RTL4: variants seen among roughly 807,000 people sequenced by gnomAD.
RTL4 encodes retrotransposon Gag-like protein 4.
Under a neutral mutation model 5.3 loss-of-function variants are expected in RTL4, and 4 were observed. The ratio of observed to expected loss-of-function variants is 0.75; its 90% CI spans 0.37 to 1.72. The LOEUF (loss-of-function observed/expected upper bound fraction) is 1.72, where lower values mean the gene tolerates loss of function less well. RTL4 is among the 40% of genes most tolerant of loss of function. RTL4 has a pLI of 0.04. For missense variants in RTL4, 260 were observed against 227.1 expected (o/e 1.14, Z -0.93); for synonymous variants, 98 against 87.3 (o/e 1.12, Z -0.68).
chrX:112,151,576 G>C, the RTL4 span, among the ~76,000 whole-genome samples: 1 of 112,039 alleles, frequency 8.9e-6, no homozygotes, highest in African/African-American at 3.2e-5. Context: ...GAAGTTTAAT[G>C]ATTTCATGTC....
the RTL4 span, among the ~76,000 whole-genome samples, chrX:112,310,384 A>ATATG: frequency 4.3e-5 from 1 of 23,105 alleles, no homozygotes; most frequent in African/African-American, 1.8e-4. Context: ...ATATATATAT[A>ATATG]TATATATATA....
chrX:112,390,155 A>G, the RTL4 span, among the ~76,000 whole-genome samples: 2 of 52,880 alleles, frequency 3.8e-5, no homozygotes, highest in South Asian at 2.1e-3. Context: ...ATATATATAT[A>G]TATATTTAGG....
the RTL4 span, among the ~76,000 whole-genome samples, chrX:112,308,319 A>G: frequency 9.0e-6 from 1 of 111,542 alleles, no homozygotes; most frequent in Non-Finnish European, 1.9e-5. Context: ...ACTTTAAAAA[A>G]TCATCCTTTC....
chrX:112,112,193 G>A, the RTL4 span, among the ~76,000 whole-genome samples: 1 of 112,141 alleles, frequency 8.9e-6, no homozygotes, highest in African/African-American at 3.2e-5. Context: ...GTTGTCCCAC[G>A]AGTCTAAGAA....
At chrX:112,126,286 A>T in the RTL4 span, among the ~76,000 whole-genome samples, 2 of 112,396 alleles carry the variant, frequency 1.8e-5, no homozygotes, top group African/African-American at 6.5e-5. Context: ...ATGTAATTTA[A>T]AGTAGTACCT....
At chrX:112,335,847 T>C in the RTL4 span, among the ~76,000 whole-genome samples, 1 of 109,750 alleles carries the variant, frequency 9.1e-6, no homozygotes. Context: ...TATTACTATT[T>C]ATTTTATTTT....
chrX:112,241,443 G>C, the RTL4 span, among the ~76,000 whole-genome samples: 2 of 112,285 alleles, frequency 1.8e-5, no homozygotes, highest in Non-Finnish European at 3.8e-5. Flanking sequence ...CTGATGACCA[G>C]TGATGATGAG....
the RTL4 span, among the ~76,000 whole-genome samples, chrX:112,342,978 G>T: frequency 9.0e-6 from 1 of 111,351 alleles, no homozygotes; most frequent in East Asian, 2.8e-4. Context: ...GCGTGCGCCT[G>T]TAGTCCCAGC....
At chrX:112,454,857 C>T (rs377102417) in exon 1 of RTL4, 1 of 1,211,211 alleles carries the variant, frequency 8.3e-7, no homozygotes, top group African/African-American at 1.7e-5. Flanking sequence ...GGGGCCAAGT[C>T]ATGCCTGCCC....
chrX:112,287,761 T>C, the RTL4 span, among the ~76,000 whole-genome samples: 1 of 111,801 alleles, frequency 8.9e-6, no homozygotes, highest in African/African-American at 3.3e-5. Flanking sequence ...ATCAAGGTGA[T>C]ATTAACTGTC....
the RTL4 span, among the ~76,000 whole-genome samples, chrX:112,412,692 AC>A: frequency 2.1e-4 from 23 of 111,853 alleles, no homozygotes; most frequent in African/African-American, 4.9e-4. Flanking sequence ...CTCACCATAT[AC>A]AAACACCAAA....
chrX:112,374,892 T>G, the RTL4 span, among the ~76,000 whole-genome samples: 1 of 111,694 alleles, frequency 9.0e-6, no homozygotes, highest in African/African-American at 3.3e-5. Context: ...TCCCTCCCAA[T>G]GACTGGTTGA....
the RTL4 span, among the ~76,000 whole-genome samples, chrX:112,157,485 C>A: frequency 9.0e-6 from 1 of 111,366 alleles, no homozygotes; most frequent in Non-Finnish European, 1.9e-5. Context: ...CTACCCCACC[C>A]TAAACTCTCA....
chrX:112,173,197 C>T, the RTL4 span, among the ~76,000 whole-genome samples: 2 of 110,568 alleles, frequency 1.8e-5, no homozygotes, highest in Non-Finnish European at 3.8e-5. Context: ...ACCAAGTTCT[C>T]AAGAAAAAAC....
At chrX:112,315,448 C>A in the RTL4 span, among the ~76,000 whole-genome samples, 1 of 111,297 alleles carries the variant, frequency 9.0e-6, no homozygotes, top group Non-Finnish European at 1.9e-5. Context: ...TCCAGTGCAG[C>A]CAAAAGTAAA....
At chrX:112,247,177 T>C in the RTL4 span, among the ~76,000 whole-genome samples, 1 of 111,858 alleles carries the variant, frequency 8.9e-6, no homozygotes, top group East Asian at 2.8e-4. Flanking sequence ...AATGGCAGAC[T>C]TAAGCCTTAT....
At chrX:112,217,813 T>C in the RTL4 span, among the ~76,000 whole-genome samples, 28,477 of 111,057 alleles carry the variant, frequency 0.26, 3,546 homozygotes, top group African/African-American at 0.49. Context: ...CCCTCATTCT[T>C]TATCATGGTG....
chrX:112,108,346 T>C, the RTL4 span, among the ~76,000 whole-genome samples: 1 of 112,096 alleles, frequency 8.9e-6, no homozygotes, highest in Admixed American at 9.5e-5. Context: ...ATTTTCTCTT[T>C]GGTGACGTCA....
the RTL4 span, among the ~76,000 whole-genome samples, chrX:112,146,195 T>C: frequency 1.8e-5 from 2 of 111,118 alleles, no homozygotes; most frequent in Non-Finnish European, 3.8e-5. Context: ...TTTGTGAAGA[T>C]TGCGAATTTT....
Sources: allele counts gnomAD v4.1 joint callset (sites outside exome capture counted in the v4.1 genomes callset), GRCh38; gene constraint gnomAD v4.1.1; transcripts MANE v1.5; gene names NCBI Gene and HGNC (gene_info 2026-07-23, HGNC 2026-07-21).